Variants in OR9A4 observed in about 807,000 individuals in gnomAD.
OR9A4 encodes the protein olfactory receptor family 9 subfamily A member 4, also known as olfactory receptor 9A4.
Under a neutral mutation model 17.1 loss-of-function variants are expected in OR9A4, and 16 were observed. The observed-to-expected ratio is 0.94, with a 90% CI of 0.64 to 1.43. The LOEUF (loss-of-function observed/expected upper bound fraction) is 1.43. Ranked by LOEUF, OR9A4 falls within the 40% of genes most tolerant of loss-of-function variation. The pLI is 0.00. For missense variants in OR9A4, 392 were observed against 382.1 expected (o/e 1.03, Z -0.22); for synonymous variants, 167 against 143.3 (o/e 1.17, Z -1.18).
rs1026886118 is a variant in OR9A4 at position 141,920,517 on chromosome 7, G to A, written c.*697G>A. On this transcript the variant is annotated 3_prime_UTR_variant, in exon 2 of 2. Coordinates refer to ENST00000641559, the MANE Select transcript of OR9A4 (RefSeq NM_001001656.3). ...TGAGTAATAAGTGAGAGATCCTAGG[G>A]AAGGCATAACAAAGATGCTGAAATG... 6 of 152,072 alleles carry A rather than the reference G, an allele frequency of 3.9e-5. No homozygotes were observed. The highest frequency in any genetic ancestry group is 1.5e-4 in the African/African-American group (6 of 41,328). 9.4% of individuals were successfully genotyped at this position (152,072 alleles called of 1,614,324 possible).
At position 141,918,994 on chromosome 7, in the gene OR9A4, G is replaced by T; in HGVS notation, c.119G>T (p.Gly40Val). The T allele has an allele frequency of 6.2e-7, 1 of 1,613,944 alleles. No homozygotes were observed. The change falls in exon 2 of 2, where the codon GGA (glycine) becomes GTA (valine). Residue 40 changes from glycine (G) to valine (V), a missense_variant. By Grantham distance (109) the Gly-to-Val change is moderately radical. Coordinates refer to ENST00000641559, the MANE Select transcript of OR9A4 (RefSeq NM_001001656.3). ...FFFFYLVTLM[G>V]NTVIIMIVCV... ...TTTTTCTACTTGGTGACATTAATGG[G>T]AAACACAGTCATCATCATGATTGTC...
chr7:141,917,535 T>C (rs915800075), intron 1 of OR9A4, among the ~76,000 whole-genome samples: 3 of 152,136 alleles, frequency 2.0e-5, no homozygotes. Flanking sequence ...ACTGAGACCA[T>C]GGCAAGTTGG....
Position 141,919,424 on chromosome 7 carries a change from A to G in OR9A4, c.549A>G (p.Gln183=), listed in dbSNP as rs202129330. 1.1e-5 allele frequency: 18 copies of G among 1,614,110 alleles called. No individual in the cohort carries two copies. Among genetic ancestry groups the G allele is most frequent in the African/African-American group, 8.0e-5 (6 of 75,004 alleles). The change falls in exon 2 of 2, where the codon CAA becomes CAG. Residue 183 remains glutamine, a synonymous_variant. Coordinates refer to ENST00000641559, the MANE Select transcript of OR9A4 (RefSeq NM_001001656.3). The stretch of plus-strand genomic sequence containing the variant: ...ACAATTTTTTTTGTGACCGAGGGCA[A>G]TTGCTCAAACTATCCTGCAATAATA... ...VVNNFFCDRG[Q]LLKLSCNNTL...
In OR9A4 at chr7:141,919,255, G is replaced by C; in HGVS notation, c.380G>C (p.Cys127Ser). 1 of 1,614,152 alleles carries C rather than the reference G, an allele frequency of 6.2e-7. No individual in the cohort carries two copies. The highest frequency in any genetic ancestry group is 2.2e-5 in the East Asian group (1 of 44,884). ...AMAVDRYVAV[C>S]NPLRYNIIMN... Reference sequence around the variant, plus strand: ...GCTGTGGACCGTTATGTGGCTGTCTGTAACCCTCTGAGGTACAACATCATT... The same window carrying C: ...GCTGTGGACCGTTATGTGGCTGTCTCTAACCCTCTGAGGTACAACATCATT... Residue 127 changes from cysteine to serine, a missense_variant, in exon 2 of 2, where the codon TGT becomes TCT. Transcript: ENST00000641559.
chr7:141,917,761 G>A (rs1328983294), intron 1 of OR9A4, among the ~76,000 whole-genome samples: 2 of 152,110 alleles, frequency 1.3e-5, no homozygotes, highest in African/African-American at 4.8e-5. Context: ...CATAACAAGA[G>A]GAATCAAAAT....
intron 1 of OR9A4, among the ~76,000 whole-genome samples, chr7:141,918,384 C>T (rs1453934767): frequency 7.2e-5 from 11 of 152,166 alleles, no homozygotes; most frequent in African/African-American, 2.7e-4. Context: ...GGATTACAAG[C>T]GTGAGCCACC....
chr7:141,916,517 G>A lies in OR9A4; in HGVS notation c.-150G>A, dbSNP rs1487258264. 2 of 152,226 alleles carry A rather than the reference G, an allele frequency of 1.3e-5. No homozygotes were observed. The highest frequency in any genetic ancestry group is 6.5e-5 in the Admixed American group (1 of 15,282). The allele number at this position is 152,226 out of a possible 1,614,324, so 9.4% of individuals were successfully genotyped here. Reference sequence around the variant, plus strand: ...GAGGACAGTATCCTTCACTCTGAATGGAGACAGAAGCAGCTGTTCCTGTCT... The same window carrying A: ...GAGGACAGTATCCTTCACTCTGAATAGAGACAGAAGCAGCTGTTCCTGTCT... On this transcript the variant is annotated 5_prime_UTR_variant, in exon 1 of 2. It removes an upstream start codon present in the reference 5' UTR. Transcript: ENST00000641559.
chr7:141,919,122 G>A lies in OR9A4; in HGVS notation c.247G>A (p.Gly83Arg), dbSNP rs557620799. The A allele has an allele frequency of 7.4e-6, 12 of 1,613,972 alleles. No homozygotes were observed. The highest frequency in any genetic ancestry group is 1.0e-5 in the Non-Finnish European group (12 of 1,180,014). The change falls in exon 2 of 2, where the codon GGA becomes AGA. Residue 83 changes from glycine to arginine, a missense_variant. Gly to Arg is a moderately radical substitution (Grantham distance 125). Coordinates refer to ENST00000641559, the MANE Select transcript of OR9A4 (RefSeq NM_001001656.3). Reference protein sequence around the residue: ...TTIIVPVMLWGLLLPGMQTIY... With the variant: ...TTIIVPVMLWRLLLPGMQTIY... The stretch of plus-strand genomic sequence containing the variant: ...CATAATCGTCCCCGTGATGCTTTGG[G>A]GATTGCTGCTCCCTGGGATGCAGAC...
chr7:141,917,791 A>C, intron 1 of OR9A4, among the ~76,000 whole-genome samples: 1 of 152,144 alleles, frequency 6.6e-6, no homozygotes, highest in East Asian at 1.9e-4. Flanking sequence ...AGAAATTGTT[A>C]ACTGGGAGCT....
intron 1 of OR9A4, among the ~76,000 whole-genome samples, chr7:141,917,703 G>C (rs1461806902): frequency 6.6e-6 from 1 of 152,148 alleles, no homozygotes; most frequent in Non-Finnish European, 1.5e-5. Flanking sequence ...GAGAATTAAA[G>C]TTCCAGCCTC....
chr7:141,918,797 C>A, intron 1 of OR9A4, 49 bp from the exon 2 acceptor site: 1 of 1,068,042 alleles, frequency 9.4e-7, no homozygotes, highest in South Asian at 1.6e-5. Context: ...CCTGAAATGT[C>A]CTTAATCTTT....
At chr7:141,917,502 G>A (rs1228105734) in intron 1 of OR9A4, among the ~76,000 whole-genome samples, 4 of 152,164 alleles carry the variant, frequency 2.6e-5, no homozygotes, top group African/African-American at 7.2e-5. Context: ...CTGCTCTGTG[G>A]ACCTTCCAAG....
rs781849322 is a variant in OR9A4, at chr7:141,919,488, T to C, written c.613T>C (p.Phe205Leu). The C allele has an allele frequency of 1.9e-6, 3 of 1,614,202 alleles. No individual in the cohort carries two copies. The highest frequency in any genetic ancestry group is 3.3e-5 in the Admixed American group (2 of 60,022). ...GTTTATCCTCTTCTTAATGGCTGTT[T>C]TTGTTCTCTTTGGTTCTTTGATCCC... is the stretch of plus-strand genomic sequence containing the variant. The part of the protein sequence containing the change: ...TEFILFLMAV[F>L]VLFGSLIPTI... Residue 205 changes from phenylalanine (F) to leucine (L), a missense_variant, in exon 2 of 2, where the codon TTT becomes CTT. Coordinates refer to ENST00000641559, the MANE Select transcript of OR9A4 (RefSeq NM_001001656.3).
Position 141,919,251 on chromosome 7 carries a change from G to C in OR9A4, c.376G>C (p.Val126Leu), listed in dbSNP as rs1173234104. ...AATGGCTGTGGACCGTTATGTGGCT[G>C]TCTGTAACCCTCTGAGGTACAACAT... is the stretch of plus-strand genomic sequence containing the variant. ...GAMAVDRYVA[V>L]CNPLRYNIIM... is the part of the protein sequence containing the mutation. Residue 126 changes from valine (V) to leucine (L), a missense_variant, in exon 2 of 2, where the codon GTC (valine) becomes CTC (leucine). By Grantham distance (32) the Val-to-Leu change is conservative (BLOSUM62 1). Transcript: ENST00000641559. The C allele has an allele frequency of 1.1e-5, 18 of 1,614,022 alleles. No individual in the cohort carries two copies. The highest frequency in any genetic ancestry group is 1.4e-5 in the Non-Finnish European group (17 of 1,180,028).
Position 141,919,754 on chromosome 7 carries a change from G to A in OR9A4, c.879G>A (p.Arg293=). The A allele has an allele frequency of 6.2e-7, 1 of 1,614,150 alleles. No individual in the cohort carries two copies. Among genetic ancestry groups the A allele is most frequent in the Non-Finnish European group, 8.5e-7 (1 of 1,180,026 alleles). ...TCAATCCTTTCATCTTCACCCTCCG[G>A]AATGATAAAGTCATAGAGGCCCTTC... ...PFLNPFIFTL[R]NDKVIEALRD... Residue 293 remains arginine, a synonymous_variant, in exon 2 of 2, where the codon CGG becomes CGA. Coordinates refer to ENST00000641559, the MANE Select transcript of OR9A4 (RefSeq NM_001001656.3).
Position 141,919,308 on chromosome 7 carries a change from G to T in OR9A4, c.433G>T (p.Val145Phe). The change falls in exon 2 of 2, where the codon GTT becomes TTT. Residue 145 changes from valine (V) to phenylalanine (F), a missense_variant. Val to Phe is a conservative substitution (Grantham distance 50, BLOSUM62 -1). Coordinates refer to ENST00000641559, the MANE Select transcript of OR9A4 (RefSeq NM_001001656.3). Reference sequence around the variant, plus strand: ...GAACAGACACACCTGCAACTTTGTGGTTCTTGTGTCATGGGTGTTTGGGTT... The same window carrying T: ...GAACAGACACACCTGCAACTTTGTGTTTCTTGTGTCATGGGTGTTTGGGTT... ...IMNRHTCNFV[V>F]LVSWVFGFLF... is the part of the protein sequence containing the mutation. The T allele has an allele frequency of 6.2e-7, 1 of 1,614,142 alleles. No individual in the cohort carries two copies. Among genetic ancestry groups the T allele is most frequent in the Non-Finnish European group, 8.5e-7 (1 of 1,180,032 alleles).
chr7:141,920,625 T>G lies in OR9A4; in HGVS notation c.*805T>G, dbSNP rs1378334695. The G allele has an allele frequency of 2.0e-5, 3 of 151,304 alleles. No individual in the cohort carries two copies. The highest frequency in any genetic ancestry group is 7.3e-5 in the African/African-American group (3 of 41,264). The allele number at this position is 151,304 out of a possible 1,614,324, so 9.4% of individuals were successfully genotyped here. A position where few individuals can be genotyped will look rare whatever the true frequency, so the allele number is the denominator to read the frequency against. ...TAGAGCCTTGTGAGCCTTTTTTTTT[T>G]TCCAGGTATGCAAAAAGATAATATT... On this transcript the variant is annotated 3_prime_UTR_variant, in exon 2 of 2. Coordinates refer to ENST00000641559, the MANE Select transcript of OR9A4 (RefSeq NM_001001656.3).
Position 141,919,574 on chromosome 7 carries a change from C to T in OR9A4, c.699C>T (p.Gly233=). ...TTCTCAAGATCCCGTCATCCTCTGGCCGGAGGAAATCCTTCTCCACTTGTG... is the reference window on the plus strand; with the variant it reads ...TTCTCAAGATCCCGTCATCCTCTGGTCGGAGGAAATCCTTCTCCACTTGTG... ...STILKIPSSS[G]RRKSFSTCAS... Residue 233 remains glycine (G), a synonymous_variant, in exon 2 of 2, where the codon GGC becomes GGT. Transcript: ENST00000641559. 6.2e-7 allele frequency: 1 copy of T among 1,614,176 alleles called. No homozygotes were observed. The highest frequency in any genetic ancestry group is 8.5e-7 in the Non-Finnish European group (1 of 1,180,026).
At position 141,916,484 on chromosome 7, in the gene OR9A4, T is replaced by G. The variant is rs1167062419; in HGVS notation, c.-183T>G. 1.3e-5 allele frequency: 2 copies of G among 152,220 alleles called. No individual in the cohort carries two copies. The highest frequency in any genetic ancestry group is 2.9e-5 in the Non-Finnish European group (2 of 68,060). 9.4% of individuals were successfully genotyped at this position (152,220 alleles called of 1,614,324 possible). A position where few individuals can be genotyped will look rare whatever the true frequency, so the allele number is the denominator to read the frequency against. ...CGTATTTCTGGACTTTTGCATAAGC[T>G]TCTGTATGAGGACAGTATCCTTCAC... On this transcript the variant is annotated 5_prime_UTR_variant, in exon 1 of 2. Coordinates refer to ENST00000641559, the MANE Select transcript of OR9A4 (RefSeq NM_001001656.3).
Sources: gnomAD v4.1 joint callset for allele counts (sites outside exome capture counted in the v4.1 genomes callset) on GRCh38, gnomAD v4.1.1 for gene constraint, MANE v1.5 for transcripts, NCBI Gene and HGNC (gene_info 2026-07-23, HGNC 2026-07-21) for gene names.